ZNF385C: variants seen among roughly 807,000 people sequenced by gnomAD.
ZNF385C encodes CTD-2132N18.2.
Under a neutral mutation model 35.4 loss-of-function variants are expected in ZNF385C, and 28 were observed. The ratio of observed to expected loss-of-function variants is 0.79; its 90% CI spans 0.59 to 1.08. The LOEUF is 1.08. Among genes scored for constraint, ZNF385C ranks in the 50% least tolerant of loss-of-function variants. ZNF385C has a pLI of 0.00. For missense variants in ZNF385C, 605 were observed against 595.6 expected (o/e 1.02, Z -0.16); for synonymous variants, 248 against 248.2 (o/e 1.00, Z 0.01).
rs1360861148 is a variant in ZNF385C at position 42,026,626 on chromosome 17, G to T, written c.*271C>A. 1 of 520,304 alleles carries T rather than the reference G, an allele frequency of 1.9e-6. No homozygotes were observed. Among genetic ancestry groups the T allele is most frequent in the Non-Finnish European group, 3.5e-6 (1 of 287,916 alleles). 32.2% of individuals were successfully genotyped at this position (520,304 alleles called of 1,614,324 possible). A position where few individuals can be genotyped will look rare whatever the true frequency, so the allele number is the denominator to read the frequency against. On this transcript the variant is annotated 3_prime_UTR_variant, in exon 9 of 9. Transcript: ENST00000692273. ...TGGAGGAAAGTGAGAGCACCACATG[G>T]CTGGGGCTGAGATTTTGCATAGATC...
At chr17:42,080,688 GAGGAGGCACAAAGCCGTTGC>G (rs1422711492) in intron 1 of ZNF385C, among the ~76,000 whole-genome samples, 1 of 152,172 alleles carries the variant, frequency 6.6e-6, no homozygotes, top group Non-Finnish European at 1.5e-5. Context: ...GGTCCGGTGG[GAGGAGGCACAAAGCCGTTGC>G]AGGCCATGAA....
chr17:42,047,268 G>A lies in ZNF385C; in HGVS notation c.251-9383C>T, dbSNP rs868974099. Among the ~76,000 whole-genome samples, 10 of 152,194 alleles carry A rather than the reference G, an allele frequency of 6.6e-5. No individual in the cohort carries two copies. The Middle Eastern group carries it at 0.01, about 155-fold the overall frequency. ...AGGATGGTCTTGATCTCCTGACCTC[G>A]TGATCCGCCCGCTTCAGCCTCCCAA... On this transcript the variant is annotated intron_variant, in intron 2 of 8. Transcript: ENST00000692273.
chr17:42,034,500 C>T (rs1477893595), intron 3 of ZNF385C, among the ~76,000 whole-genome samples, 165 bp from the exon 4 acceptor site: 1 of 152,070 alleles, frequency 6.6e-6, no homozygotes, highest in Non-Finnish European at 1.5e-5. Flanking sequence ...AACAGCTGGG[C>T]CAGGCGCGGT....
rs1488586248 is a variant in ZNF385C at position 42,050,923 on chromosome 17, CGGT to C, written c.250+11881_250+11883del. Among the ~76,000 whole-genome samples, 1 of 152,080 alleles carries C rather than the reference CGGT, an allele frequency of 6.6e-6. No individual in the cohort carries two copies. The highest frequency in any genetic ancestry group is 2.4e-5 in the African/African-American group (1 of 41,420). Reference sequence around the variant, plus strand: ...GCCTAAGCCACAGACAGGTAGAGCGCGGTAGAGGCTGCAAAGTGTTCTGAGAGT... The same window carrying C: ...GCCTAAGCCACAGACAGGTAGAGCGCAGAGGCTGCAAAGTGTTCTGAGAGT... On this transcript the variant is annotated intron_variant, in intron 2 of 8. Coordinates refer to ENST00000692273, the MANE Select transcript of ZNF385C (RefSeq NM_001392013.1). The surrounding 1 kb of genome is among the most constrained non-coding windows in gnomAD (Gnocchi z 5.6).
chr17:42,032,727 T>G (rs1282175554), intron 4 of ZNF385C, among the ~76,000 whole-genome samples: 1 of 151,946 alleles, frequency 6.6e-6, no homozygotes, highest in Non-Finnish European at 1.5e-5. Context: ...TTTTTTTTTT[T>G]TTGAGACGGA....
At chr17:42,071,824 A>AG (rs1418601736) in intron 1 of ZNF385C, among the ~76,000 whole-genome samples, 1 of 152,012 alleles carries the variant, frequency 6.6e-6, no homozygotes, top group Admixed American at 6.5e-5. Flanking sequence ...CCAGAAGGGG[A>AG]GCTCCCTCAA....
At chr17:42,060,580 C>G (rs1420027182) in intron 2 of ZNF385C, among the ~76,000 whole-genome samples, 1 of 151,272 alleles carries the variant, frequency 6.6e-6, no homozygotes, top group Non-Finnish European at 1.5e-5. Context: ...CCTCCCCACC[C>G]AAAGAGCCAT....
intron 2 of ZNF385C, among the ~76,000 whole-genome samples, chr17:42,053,822 GGCGTCATCA>G (rs1172477238): frequency 1.3e-5 from 2 of 152,122 alleles, no homozygotes; most frequent in Admixed American, 1.3e-4. Context: ...TCCCAGCCCG[GGCGTCATCA>G]GCACTCACCC....
chr17:42,082,964 C>T (rs2053764781), intron 1 of ZNF385C, among the ~76,000 whole-genome samples: 1 of 151,988 alleles, frequency 6.6e-6, no homozygotes, highest in Middle Eastern at 3.2e-3. Context: ...GTAATCCCAG[C>T]TACTCTGGAG....
chr17:42,040,540 A>C, intron 2 of ZNF385C: 3 of 1,233,068 alleles, frequency 2.4e-6, no homozygotes, highest in Non-Finnish European at 3.0e-6. Context: ...GGTGAAGGCC[A>C]CGAAGGTGAA....
In ZNF385C at chr17:42,095,014, G is replaced by T. The variant is rs76452212; in HGVS notation, c.-3+3396C>A. Among the ~76,000 whole-genome samples the T allele has an allele frequency of 2.0e-5, 3 of 152,138 alleles. No homozygotes were observed. The highest frequency in any genetic ancestry group is 7.2e-5 in the African/African-American group (3 of 41,424). On this transcript the variant is annotated intron_variant, in intron 1 of 8. Coordinates refer to ENST00000692273, the MANE Select transcript of ZNF385C (RefSeq NM_001392013.1). The surrounding 1 kb of genome is among the most constrained non-coding windows in gnomAD (Gnocchi z 4.4). Reference sequence around the variant, plus strand: ...CTGACCTGGGGTGGGGTTTAGGAGCGCACAACCCTATACACAGACCTCTGG... The same window carrying T: ...CTGACCTGGGGTGGGGTTTAGGAGCTCACAACCCTATACACAGACCTCTGG...
intron 2 of ZNF385C, among the ~76,000 whole-genome samples, chr17:42,048,267 G>A (rs1567988873): frequency 6.6e-6 from 1 of 151,952 alleles, no homozygotes; most frequent in East Asian, 1.9e-4. Context: ...GCTGGATGTG[G>A]TGGCTCACAC....
intron 5 of ZNF385C, among the ~76,000 whole-genome samples, chr17:42,031,277 C>T (rs910066455): frequency 6.6e-6 from 1 of 152,286 alleles, no homozygotes; most frequent in Non-Finnish European, 1.5e-5. Context: ...TAAAGCAATC[C>T]TCCCGCCTCA....
At chr17:42,040,861 A>C in intron 2 of ZNF385C, 1 of 1,232,308 alleles carries the variant, frequency 8.1e-7, no homozygotes, top group Non-Finnish European at 1.0e-6. Context: ...CTCTGCCAGC[A>C]GTGGGCAAGT....
intron 4 of ZNF385C, among the ~76,000 whole-genome samples, chr17:42,032,121 C>T (rs1460770226): frequency 1.3e-5 from 2 of 151,942 alleles, no homozygotes; most frequent in Admixed American, 6.6e-5. Context: ...AGTGCAGTGG[C>T]GCCATCTCAG....
At chr17:42,088,939 C>T (rs1555660295) in intron 1 of ZNF385C, among the ~76,000 whole-genome samples, 2 of 152,066 alleles carry the variant, frequency 1.3e-5, no homozygotes, top group African/African-American at 4.8e-5. Flanking sequence ...GATCCTCCCG[C>T]CTTGGCCTCT....
chr17:42,026,010 C>T lies in ZNF385C; in HGVS notation c.*887G>A, dbSNP rs1253151509. The T allele has an allele frequency of 2.0e-5, 3 of 152,046 alleles. No individual in the cohort carries two copies. The highest frequency in any genetic ancestry group is 7.3e-5 in the African/African-American group (3 of 41,354). The allele number at this position is 152,046 out of a possible 1,614,324, so 9.4% of individuals were successfully genotyped here. On this transcript the variant is annotated 3_prime_UTR_variant, in exon 9 of 9. Transcript: ENST00000692273. ...CTGAGGGAGACCCACACCCGCCCTC[C>T]AAGAGTTGGGGTTCAGGAAGTCAGA...
Position 42,030,046 on chromosome 17 carries a change from T to C in ZNF385C, c.677-973A>G, listed in dbSNP as rs186941177. ...CTGTCTCAAAAAAAAAAAGAGCTTT[T>C]AAGAATTTAAATTAAAAAAAAATAG... is the stretch of plus-strand genomic sequence containing the variant. On this transcript the variant is annotated intron_variant, in intron 5 of 8. Coordinates refer to ENST00000692273, the MANE Select transcript of ZNF385C (RefSeq NM_001392013.1). 2.1e-4 allele frequency among the ~76,000 whole-genome samples: 32 copies of C among 151,244 alleles called. 1 individual carries two copies. The South Asian group carries it at 5.5e-3, about 26-fold the overall frequency.
chr17:42,064,838 T>G (rs1421931469), intron 1 of ZNF385C, among the ~76,000 whole-genome samples: 1 of 152,052 alleles, frequency 6.6e-6, no homozygotes, highest in Non-Finnish European at 1.5e-5. Context: ...GTGCTGGGAT[T>G]ACAGCCATGA....
Sources: allele counts gnomAD v4.1 joint callset (sites outside exome capture counted in the v4.1 genomes callset), GRCh38; gene constraint gnomAD v4.1.1; non-coding constraint Gnocchi (gnomAD v3.1); transcripts MANE v1.5; gene names NCBI Gene and HGNC (gene_info 2026-07-23, HGNC 2026-07-21).